NRG3: variants seen among roughly 807,000 people sequenced by gnomAD.
NRG3 encodes the protein neuregulin 3, also known as pro-neuregulin-3, membrane-bound isoform.
Under a neutral mutation model 66.9 loss-of-function variants are expected in NRG3, and 31 were observed. The observed-to-expected ratio is 0.46, with a 90% confidence interval of 0.35 to 0.63. The LOEUF (loss-of-function observed/expected upper bound fraction) is 0.63, where lower values mean the gene tolerates loss of function less well. NRG3 is among the 20% of genes least tolerant of loss of function. NRG3 has a pLI of 0.00. For synonymous variants in NRG3, 393 were observed against 359.4 expected, an observed-to-expected ratio of 1.09 and a Z score of -1.06; for missense variants, 910 against 878.9, an observed-to-expected ratio of 1.04 and a Z score of -0.45.
chr10:82,710,445 G>A (rs995874917), intron 2 of NRG3, among the ~76,000 whole-genome samples: 2 of 151,860 alleles, frequency 1.3e-5, no homozygotes, highest in African/African-American at 4.8e-5. Context: ...AATTAGCCAG[G>A]CGTGGTGGCG....
At chr10:82,194,670 T>C (rs898289762) in intron 1 of NRG3, among the ~76,000 whole-genome samples, 1 of 152,116 alleles carries the variant, frequency 6.6e-6, no homozygotes, top group African/African-American at 2.4e-5. Context: ...CAACAACTGC[T>C]GTGAGAGGGC....
chr10:82,708,856 G>A (rs539326667), intron 2 of NRG3, among the ~76,000 whole-genome samples: 2 of 152,212 alleles, frequency 1.3e-5, no homozygotes, highest in South Asian at 4.2e-4. Flanking sequence ...CTCATTTGAT[G>A]AGAGTATATT....
At chr10:82,783,790 A>G (rs1473483381) in intron 3 of NRG3, among the ~76,000 whole-genome samples, 5 of 152,176 alleles carry the variant, frequency 3.3e-5, no homozygotes, top group Non-Finnish European at 7.3e-5. Flanking sequence ...GCCCAAGGTA[A>G]TTTATAGCTT....
chr10:81,997,909 T>G (rs572637442), intron 1 of NRG3, among the ~76,000 whole-genome samples: 2 of 151,730 alleles, frequency 1.3e-5, no homozygotes, highest in East Asian at 3.9e-4. Flanking sequence ...AATTGAGTCT[T>G]TATTTTAGTA....
At chr10:82,455,422 A>G (rs2091223050) in intron 2 of NRG3, among the ~76,000 whole-genome samples, 1 of 152,160 alleles carries the variant, frequency 6.6e-6, no homozygotes, top group African/African-American at 2.4e-5. Context: ...ATGTGTAAAC[A>G]TAGGAAAGGA....
chr10:82,057,393 T>C (rs969387002), intron 1 of NRG3, among the ~76,000 whole-genome samples: 1 of 152,158 alleles, frequency 6.6e-6, no homozygotes, highest in Admixed American at 6.5e-5. Context: ...CAATATCTGT[T>C]GTTCTTTGGT....
intron 1 of NRG3, among the ~76,000 whole-genome samples, chr10:82,192,485 T>C (rs1420793775): frequency 6.6e-6 from 1 of 152,152 alleles, no homozygotes; most frequent in African/African-American, 2.4e-5. Flanking sequence ...TCTAAAGATA[T>C]CCACCTATTG....
chr10:82,429,243 C>T (rs2089642245), intron 2 of NRG3, among the ~76,000 whole-genome samples: 1 of 151,950 alleles, frequency 6.6e-6, no homozygotes, highest in East Asian at 1.9e-4. Context: ...AAAATCCTTA[C>T]AAAACAAGTA....
At chr10:82,877,024 GAAA>G (rs763600557) in intron 4 of NRG3, among the ~76,000 whole-genome samples, 4 of 94,502 alleles carry the variant, frequency 4.2e-5, no homozygotes, top group Non-Finnish European at 2.3e-5. Flanking sequence ...ACTCTGCCAA[GAAA>G]AAAAAAAAAA....
intron 4 of NRG3, among the ~76,000 whole-genome samples, chr10:82,901,929 T>C (rs1844260387): frequency 6.6e-6 from 1 of 152,200 alleles, no homozygotes; most frequent in African/African-American, 2.4e-5. Flanking sequence ...TACTCTTAAT[T>C]TAAAGTATAC....
chr10:82,398,518 T>TGAGAGA (rs1379663997), intron 2 of NRG3, among the ~76,000 whole-genome samples: 4 of 143,030 alleles, frequency 2.8e-5, no homozygotes, highest in African/African-American at 1.1e-4. Flanking sequence ...TGTGTGTGTG[T>TGAGAGA]GTGTGTGTGA....
chr10:82,469,278 C>T (rs538795728), intron 2 of NRG3, among the ~76,000 whole-genome samples: 4 of 152,048 alleles, frequency 2.6e-5, no homozygotes, highest in Admixed American at 6.6e-5. Context: ...TTATTGAATG[C>T]TTGTGTTTAC....
chr10:82,553,987 A>C (rs1356887514), intron 2 of NRG3, among the ~76,000 whole-genome samples: 1 of 152,182 alleles, frequency 6.6e-6, no homozygotes, highest in Non-Finnish European at 1.5e-5. Context: ...CACAGATTGT[A>C]TTTCAAACTC....
chr10:82,492,015 G>A (rs1231270582), intron 2 of NRG3, among the ~76,000 whole-genome samples: 1 of 152,080 alleles, frequency 6.6e-6, no homozygotes, highest in East Asian at 1.9e-4. Flanking sequence ...GCAAAGTCTA[G>A]CCTCTCTAGA....
chr10:82,157,142 G>A (rs1026320577), intron 1 of NRG3, among the ~76,000 whole-genome samples: 11 of 151,608 alleles, frequency 7.3e-5, no homozygotes, highest in Non-Finnish European at 1.6e-4. Flanking sequence ...AAAATAGACT[G>A]AGTTTACAGG....
At chr10:82,894,094 A>T in intron 4 of NRG3, among the ~76,000 whole-genome samples, 1 of 152,232 alleles carries the variant, frequency 6.6e-6, no homozygotes, top group Non-Finnish European at 1.5e-5. Context: ...AAGAGGAAAC[A>T]TCCCAAAATT....
At chr10:81,876,409 G>A (rs1589315542) in intron 1 of NRG3, among the ~76,000 whole-genome samples, 2 of 152,120 alleles carry the variant, frequency 1.3e-5, no homozygotes, top group East Asian at 3.9e-4. Flanking sequence ...CCCCACTTTA[G>A]CGGGTCCCAA....
At chr10:82,350,525 C>T (rs1301868143) in intron 1 of NRG3, among the ~76,000 whole-genome samples, 1 of 152,178 alleles carries the variant, frequency 6.6e-6, no homozygotes, top group Non-Finnish European at 1.5e-5. Context: ...GCTCTGAATA[C>T]TTTCAGCCAC....
intron 1 of NRG3, among the ~76,000 whole-genome samples, chr10:82,083,694 G>A (rs1035211265): frequency 7.3e-5 from 11 of 150,194 alleles, no homozygotes; most frequent in Admixed American, 4.0e-4. Flanking sequence ...TCCTAGGTTC[G>A]AGTGATTCTC....
Sources: allele counts gnomAD v4.1 joint callset (sites outside exome capture counted in the v4.1 genomes callset), GRCh38; gene constraint gnomAD v4.1.1; transcripts MANE v1.5; gene names NCBI Gene and HGNC (gene_info 2026-07-23, HGNC 2026-07-21).